ADAP2: variants seen among roughly 807,000 people sequenced by gnomAD.
ADAP2 encodes arf-GAP with dual PH domain-containing protein 2.
In ADAP2, 42 loss-of-function variants were observed where a neutral mutation model predicts 54.9. The observed-to-expected ratio is 0.77, with a 90% confidence interval of 0.60 to 0.99. ADAP2 has a LOEUF of 0.99. ADAP2 is among the 50% of genes least tolerant of loss of function. ADAP2 has a pLI of 0.00. For synonymous variants in ADAP2, 177 were observed against 180.1 expected, an observed-to-expected ratio of 0.98 and a Z score of 0.14; for missense variants, 429 against 480.4, an observed-to-expected ratio of 0.89 and a Z score of 1.00.
chr17:30,949,225 G>A lies in ADAP2; in HGVS notation c.658-62G>A, dbSNP rs1029153629. 3 of 1,406,298 alleles carry A rather than the reference G, an allele frequency of 2.1e-6. No homozygotes were observed. In the African/African-American group the frequency reaches 4.2e-5, roughly 20 times the overall value. The allele number at this position is 1,406,298 out of a possible 1,614,324, so 87.1% of individuals were successfully genotyped here. A position where few individuals can be genotyped will look rare whatever the true frequency, so the allele number is the denominator to read the frequency against. ...GCCCAGCTAGCTTCCCGCCACCAGAGGTAGCTTCCCACCCACCCCATCTCA... is the reference window on the plus strand; with the variant it reads ...GCCCAGCTAGCTTCCCGCCACCAGAAGTAGCTTCCCACCCACCCCATCTCA... On this transcript the variant is annotated intron_variant, in intron 6 of 10. Transcript: ENST00000330889.
At chr17:30,954,424 C>G (rs1904905998) in intron 8 of ADAP2, 54 bp from the exon 9 acceptor site, 3 of 1,546,268 alleles carry the variant, frequency 1.9e-6, no homozygotes, top group East Asian at 4.5e-5. Context: ...CCCCTGACCT[C>G]TATCCTCAGA....
chr17:30,956,314 A>G lies in ADAP2; in HGVS notation c.956A>G (p.Lys319Arg), dbSNP rs866403140. ...TATGAAGCCTACGAAGACCTGCCCA[A>G]GGGCATCCGAGGAAATCGCTGGAAA... Reference protein sequence around the residue: ...QGYEAYEDLPKGIRGNRWKAG... With the variant: ...QGYEAYEDLPRGIRGNRWKAG... Residue 319 changes from lysine (K) to arginine (R), a missense_variant, in exon 10 of 11, where the codon AAG (lysine) becomes AGG (arginine). Physicochemically the swap from Lys to Arg is conservative, Grantham distance 26 (BLOSUM62 2). Transcript: ENST00000330889. 6.2e-7 allele frequency: 1 copy of G among 1,614,240 alleles called. No homozygotes were observed. Among genetic ancestry groups the G allele is most frequent in the Middle Eastern group, 1.6e-4 (1 of 6,062 alleles).
In ADAP2 at chr17:30,921,969, G is replaced by A; in HGVS notation, c.-46G>A. ...GGTCCCTCTCCACCTGCCGGGCGGA[G>A]CGCACGGGCCATGGGCTGAGCCCCG... is the stretch of plus-strand genomic sequence containing the variant. On this transcript the variant is annotated 5_prime_UTR_variant, in exon 1 of 11. Transcript: ENST00000330889. 1.7e-6 allele frequency: 2 copies of A among 1,200,664 alleles called. No homozygotes were observed. Among genetic ancestry groups the A allele is most frequent in the African/African-American group, 1.6e-5 (1 of 63,302 alleles). 74.4% of individuals were successfully genotyped at this position (1,200,664 alleles called of 1,614,324 possible).
intron 10 of ADAP2, chr17:30,956,690 G>A: frequency 1.7e-6 from 1 of 572,550 alleles, no homozygotes; most frequent in Non-Finnish European, 3.1e-6. Context: ...CCCTTCCCCA[G>A]GAGCTTTTAG....
chr17:30,924,963 C>A (rs1445927564), intron 2 of ADAP2, among the ~76,000 whole-genome samples: 1 of 150,676 alleles, frequency 6.6e-6, no homozygotes, highest in African/African-American at 2.5e-5. Flanking sequence ...ACCTCTGCCT[C>A]TGGGGTTCAA....
At chr17:30,948,580 T>C (rs983803478) in intron 6 of ADAP2, among the ~76,000 whole-genome samples, 2 of 151,416 alleles carry the variant, frequency 1.3e-5, no homozygotes, top group Non-Finnish European at 2.9e-5. Flanking sequence ...TAAAAAAAAA[T>C]AAATAAAGGA....
chr17:30,923,645 A>G (rs1598020129), intron 2 of ADAP2, among the ~76,000 whole-genome samples: 1 of 147,348 alleles, frequency 6.8e-6, no homozygotes, highest in Non-Finnish European at 1.5e-5. Context: ...CAGTTTCCAC[A>G]TCTGTATTCA....
chr17:30,944,542 C>A (rs1205314542), intron 5 of ADAP2, among the ~76,000 whole-genome samples: 2 of 152,208 alleles, frequency 1.3e-5, no homozygotes, highest in Non-Finnish European at 2.9e-5. Context: ...TCACTGCAAC[C>A]TCCACCTCCC....
In ADAP2 at chr17:30,955,204, G is replaced by T. The variant is rs563599059; in HGVS notation, c.882+649G>T. On this transcript the variant is annotated intron_variant, in intron 9 of 10. Transcript: ENST00000330889. Reference sequence around the variant, plus strand: ...AGCTCATTGCAACCTTGAACTTCTGGGCCCAAGTTATCTTCCTGCCTCAGC... The same window carrying T: ...AGCTCATTGCAACCTTGAACTTCTGTGCCCAAGTTATCTTCCTGCCTCAGC... 2.0e-5 allele frequency among the ~76,000 whole-genome samples: 3 copies of T among 151,268 alleles called. No individual in the cohort carries two copies. The East Asian group carries it at 5.8e-4, about 29-fold the overall frequency.
intron 5 of ADAP2, among the ~76,000 whole-genome samples, chr17:30,938,157 A>G (rs1157612040): frequency 6.6e-6 from 1 of 152,186 alleles, no homozygotes; most frequent in Non-Finnish European, 1.5e-5. Flanking sequence ...TCACAATCCT[A>G]TGGGTCAGGA....
At chr17:30,933,204 T>C (rs1337260426) in intron 4 of ADAP2, among the ~76,000 whole-genome samples, 3 of 152,218 alleles carry the variant, frequency 2.0e-5, no homozygotes, top group Non-Finnish European at 4.4e-5. Flanking sequence ...TATTTATTTA[T>C]TGAGTCAGGG....
intron 8 of ADAP2, among the ~76,000 whole-genome samples, chr17:30,953,843 G>A (rs1026207276): frequency 1.3e-5 from 2 of 151,588 alleles, no homozygotes; most frequent in African/African-American, 4.9e-5. Flanking sequence ...AGCCAAATTC[G>A]TGAACTTTCT....
intron 6 of ADAP2, 146 bp downstream of exon 6, chr17:30,945,199 C>A: frequency 1.0e-6 from 1 of 965,070 alleles, no homozygotes; most frequent in Non-Finnish European, 1.5e-6. Context: ...CTATCATTGC[C>A]TCCCAGTCTG....
At chr17:30,923,425 C>T (rs1167832954) in intron 2 of ADAP2, among the ~76,000 whole-genome samples, 1 of 151,772 alleles carries the variant, frequency 6.6e-6, no homozygotes, top group Non-Finnish European at 1.5e-5. Context: ...CCACCACACC[C>T]GGCTAATTTT....
intron 8 of ADAP2, 94 bp downstream of exon 8, chr17:30,953,444 A>C (rs975790806): frequency 4.4e-6 from 6 of 1,374,938 alleles, no homozygotes; most frequent in Middle Eastern, 1.8e-4. Context: ...GGACAGTGAA[A>C]GGTGTTAGGC....
chr17:30,949,962 A>C (rs1257875794), intron 7 of ADAP2, among the ~76,000 whole-genome samples: 1 of 152,130 alleles, frequency 6.6e-6, no homozygotes, highest in East Asian at 1.9e-4. Context: ...GCAATTGGTC[A>C]TCTCTTTCTG....
chr17:30,927,019 A>G, intron 3 of ADAP2, 101 bp downstream of exon 3: 1 of 909,348 alleles, frequency 1.1e-6, no homozygotes, highest in South Asian at 1.5e-5. Context: ...GGTCTCTTCT[A>G]TGGGCCTGGT....
At position 30,957,133 on chromosome 17, in the gene ADAP2, G is replaced by A. The variant is rs531420367; in HGVS notation, c.1111+664G>A. 2.6e-5 allele frequency among the ~76,000 whole-genome samples: 4 copies of A among 152,308 alleles called. No individual in the cohort carries two copies. The South Asian group carries it at 8.3e-4, about 32-fold the overall frequency. ...GCAGGTGACCCCCGCACAGCCCCTTGGGGGAAACACTTGTGCCCTTTGAGT... is the reference window on the plus strand; with the variant it reads ...GCAGGTGACCCCCGCACAGCCCCTTAGGGGAAACACTTGTGCCCTTTGAGT... On this transcript the variant is annotated intron_variant, in intron 10 of 10. Transcript: ENST00000330889.
intron 7 of ADAP2, 124 bp from the exon 8 acceptor site, chr17:30,953,164 A>G (rs560918709): frequency 7.6e-6 from 6 of 788,916 alleles, no homozygotes; most frequent in Non-Finnish European, 1.3e-5. Context: ...CAAATATAAT[A>G]CTGTGAGCCA....
Sources: allele counts gnomAD v4.1 joint callset (sites outside exome capture counted in the v4.1 genomes callset), GRCh38; gene constraint gnomAD v4.1.1; transcripts MANE v1.5; gene names NCBI Gene and HGNC (gene_info 2026-07-23, HGNC 2026-07-21).